Variants in ZFPM1 observed in about 807,000 individuals in gnomAD.
ZFPM1 encodes the protein zinc finger protein ZFPM1.
A neutral mutation model predicts 46.3 loss-of-function variants in ZFPM1; 28 were observed. The observed-to-expected ratio is 0.60, with a 90% CI of 0.45 to 0.83. The LOEUF (loss-of-function observed/expected upper bound fraction) is 0.83. Ranked by LOEUF, ZFPM1 falls within the 40% of genes least tolerant of loss-of-function variation. The probability of loss-of-function intolerance (pLI) is 0.00; values close to 1 mark genes in which losing one functional copy is unlikely to be tolerated. For missense variants in ZFPM1, 1,878 were observed against 1,432.4 expected (o/e 1.31, Z -5.02); for synonymous variants, 957 against 675.9 (o/e 1.42, Z -6.45).
At chr16:88,502,043 C>A (rs899845248) in intron 3 of ZFPM1, among the ~76,000 whole-genome samples, 1 of 143,096 alleles carries the variant, frequency 7.0e-6, no homozygotes, top group African/African-American at 2.7e-5. Context: ...CCACCCCCGA[C>A]GCGGCTCCAC....
At chr16:88,528,789 C>T (rs529351952) in intron 6 of ZFPM1, among the ~76,000 whole-genome samples, 1 of 152,148 alleles carries the variant, frequency 6.6e-6, no homozygotes, top group Non-Finnish European at 1.5e-5. Context: ...CCAGGATGGT[C>T]ATAAAGTCCT....
intron 1 of ZFPM1, among the ~76,000 whole-genome samples, chr16:88,464,818 A>G (rs1908060366): frequency 2.0e-5 from 3 of 151,816 alleles, no homozygotes; most frequent in East Asian, 2.0e-4. Flanking sequence ...GGTGAGTGAG[A>G]TACAGCCTTG....
intron 3 of ZFPM1, among the ~76,000 whole-genome samples, chr16:88,506,234 C>G (rs1371320166): frequency 2.1e-5 from 2 of 95,660 alleles, no homozygotes; most frequent in Non-Finnish European, 4.0e-5. Context: ...GCAGGGAGAC[C>G]AGGGTAGGGT....
intron 4 of ZFPM1, among the ~76,000 whole-genome samples, chr16:88,526,349 T>C (rs573839433): frequency 6.6e-6 from 1 of 152,328 alleles, no homozygotes; most frequent in African/African-American, 2.4e-5. Flanking sequence ...TGGAGGCATC[T>C]AGGGCCTGTG....
chr16:88,525,080 G>A (rs1258926678), intron 4 of ZFPM1, among the ~76,000 whole-genome samples: 2 of 152,256 alleles, frequency 1.3e-5, no homozygotes, highest in African/African-American at 4.8e-5. Context: ...GAACGTCCCA[G>A]CCCAAAGGCT....
chr16:88,510,646 C>T (rs1215311510), intron 3 of ZFPM1, among the ~76,000 whole-genome samples: 10 of 151,912 alleles, frequency 6.6e-5, no homozygotes, highest in Non-Finnish European at 1.3e-4. Flanking sequence ...CTCACCCATG[C>T]GGCCTAGGTC....
chr16:88,489,578 C>T (rs1909440966), intron 3 of ZFPM1, among the ~76,000 whole-genome samples: 1 of 152,178 alleles, frequency 6.6e-6, no homozygotes, highest in South Asian at 2.1e-4. Context: ...GGCGGTCAGG[C>T]CTGAAGGGCA....
At chr16:88,461,126 TGGGGCGGGAGACCTGGTGAGGACCGA>T (rs1410843076) in intron 1 of ZFPM1, among the ~76,000 whole-genome samples, 62 of 52,042 alleles carry the variant, frequency 1.2e-3, no homozygotes, top group South Asian at 4.5e-3. Flanking sequence ...GACCCAGGGA[TGGGGCGGGAGACCTGGTGAGGACCGA>T]GGGGCGGGAG....
intron 3 of ZFPM1, among the ~76,000 whole-genome samples, chr16:88,493,639 G>A (rs984625484): frequency 5.8e-5 from 6 of 103,380 alleles, no homozygotes; most frequent in Non-Finnish European, 7.0e-5. Flanking sequence ...GTCCCGGGGT[G>A]CGGTGAGCTG....
chr16:88,492,271 T>TCTG (rs1314212089), intron 3 of ZFPM1, among the ~76,000 whole-genome samples: 3 of 152,162 alleles, frequency 2.0e-5, no homozygotes, highest in African/African-American at 4.8e-5. Flanking sequence ...TTTTATGGTC[T>TCTG]CTGGCCCACA....
rs780094826 is a variant in ZFPM1, at chr16:88,532,102, CTCCCCG to C, written c.814_819del (p.Ser272_Pro273del). ...ACTGCGCCAGCCGCCAGGGCACCGG[CTCCCCG>C]GCCGCAGCCGCCACAGACGAGAAGC... is the stretch of plus-strand genomic sequence containing the variant. On this transcript the variant is annotated inframe_deletion, in exon 7 of 10. Transcript: ENST00000319555. The C allele has an allele frequency of 6.2e-7, 1 of 1,612,408 alleles. No individual in the cohort carries two copies. Among genetic ancestry groups the C allele is most frequent in the South Asian group, 1.1e-5 (1 of 91,046 alleles).
chr16:88,478,050 G>T (rs1255078736), intron 1 of ZFPM1, among the ~76,000 whole-genome samples: 1 of 152,220 alleles, frequency 6.6e-6, no homozygotes. Context: ...GGGTGTGTGG[G>T]AGCTCTGTCT....
Position 88,533,659 on chromosome 16 carries a change from C to A in ZFPM1, c.1701C>A (p.Thr567=), listed in dbSNP as rs1336159516. 3.4e-6 allele frequency: 5 copies of A among 1,474,198 alleles called. No individual in the cohort carries two copies. Among genetic ancestry groups the A allele is most frequent in the Non-Finnish European group, 3.6e-6 (4 of 1,107,970 alleles). The allele number at this position is 1,474,198 out of a possible 1,614,324, so 91.3% of individuals were successfully genotyped here. A position where few individuals can be genotyped will look rare whatever the true frequency, so the allele number is the denominator to read the frequency against. Residue 567 remains threonine, a synonymous_variant, in exon 10 of 10, where the codon ACC becomes ACA. Transcript: ENST00000319555. ...GAGAGAGGAQ[T]GLFPGAPKGA... ...GCGCGGGCGCCGGCGGCGCGCAGACCGGGCTCTTCCCCGGGGCCCCCAAGG... is the reference window on the plus strand; with the variant it reads ...GCGCGGGCGCCGGCGGCGCGCAGACAGGGCTCTTCCCCGGGGCCCCCAAGG...
intron 1 of ZFPM1, among the ~76,000 whole-genome samples, chr16:88,462,799 C>T (rs532650527): frequency 6.8e-4 from 103 of 152,068 alleles, no homozygotes; most frequent in Non-Finnish European, 1.1e-3. Context: ...GCCCGGTCTT[C>T]GTGCAAGTCA....
chr16:88,524,548 C>T (rs924658981), intron 4 of ZFPM1, among the ~76,000 whole-genome samples: 1 of 152,254 alleles, frequency 6.6e-6, no homozygotes, highest in Non-Finnish European at 1.5e-5. Flanking sequence ...TGTGCTGCCC[C>T]GGACATGCCC....
At chr16:88,455,621 C>T (rs1907516016) in intron 1 of ZFPM1, among the ~76,000 whole-genome samples, 1 of 151,188 alleles carries the variant, frequency 6.6e-6, no homozygotes, top group African/African-American at 2.4e-5. Context: ...CGCTTCGGGC[C>T]GCCCACCCCC....
chr16:88,515,932 G>C (rs1024528259), intron 4 of ZFPM1, among the ~76,000 whole-genome samples: 1 of 152,104 alleles, frequency 6.6e-6, no homozygotes, highest in African/African-American at 2.4e-5. Context: ...TGGGCTAGGA[G>C]CTCCGTGGCT....
chr16:88,518,741 A>ATGGG (rs1911541831), intron 4 of ZFPM1, among the ~76,000 whole-genome samples: 1 of 54,100 alleles, frequency 1.8e-5, no homozygotes, highest in Non-Finnish European at 4.0e-5. Flanking sequence ...GAGAGGGTGG[A>ATGGG]TGGATGGATG....
intron 1 of ZFPM1, among the ~76,000 whole-genome samples, chr16:88,454,786 C>T (rs886960090): frequency 6.6e-6 from 1 of 152,052 alleles, no homozygotes; most frequent in Non-Finnish European, 1.5e-5. Context: ...CGGAGCCTGA[C>T]GGGCAGGTCG....
Sources: allele counts gnomAD v4.1 joint callset (sites outside exome capture counted in the v4.1 genomes callset), GRCh38; gene constraint gnomAD v4.1.1; transcripts MANE v1.5; gene names NCBI Gene and HGNC (gene_info 2026-07-23, HGNC 2026-07-21).